Variants in DDHD1 observed in about 807,000 individuals in gnomAD.
DDHD1 encodes DDHD domain containing 1, also known as phospholipase DDHD1.
Under a neutral mutation model 96.4 loss-of-function variants are expected in DDHD1, and 49 were observed. The observed-to-expected ratio is 0.51, with a 90% CI of 0.40 to 0.64. The LOEUF is 0.64. Ranked by LOEUF, DDHD1 falls within the 30% of genes least tolerant of loss-of-function variation. DDHD1 has a pLI of 0.00. For synonymous variants in DDHD1, 442 were observed against 446.5 expected (o/e 0.99, Z 0.13); for missense variants, 1,106 against 1,161.2 (o/e 0.95, Z 0.69).
intron 1 of DDHD1, among the ~76,000 whole-genome samples, chr14:53,114,459 G>A (rs545892564): frequency 6.6e-6 from 1 of 152,174 alleles, no homozygotes; most frequent in African/African-American, 2.4e-5. Flanking sequence ...CTCCCAACAG[G>A]GTCTGACAGA....
chr14:53,094,296 G>A (rs1331362112), intron 2 of DDHD1, among the ~76,000 whole-genome samples: 1 of 152,180 alleles, frequency 6.6e-6, no homozygotes, highest in Non-Finnish European at 1.5e-5. Flanking sequence ...TTTTTGGAAT[G>A]GATAGTAAAG....
chr14:53,100,132 G>T (rs1566564957), intron 2 of DDHD1, among the ~76,000 whole-genome samples: 1 of 152,006 alleles, frequency 6.6e-6, no homozygotes, highest in Non-Finnish European at 1.5e-5. Context: ...CTATTTACAT[G>T]GCATCACATA....
chr14:53,090,606 C>G (rs1376296392), intron 4 of DDHD1, among the ~76,000 whole-genome samples: 3 of 152,136 alleles, frequency 2.0e-5, no homozygotes, highest in African/African-American at 7.2e-5. Flanking sequence ...CCATCATTCT[C>G]AGCAAACTAT....
At chr14:53,091,670 T>C in intron 4 of DDHD1, 115 bp downstream of exon 4, 1 of 1,109,978 alleles carries the variant, frequency 9.0e-7, no homozygotes, top group Non-Finnish European at 1.3e-6. Flanking sequence ...GGTATTAGAA[T>C]AGTTGGCACT....
At chr14:53,086,321 G>A (rs543530229) in intron 4 of DDHD1, among the ~76,000 whole-genome samples, 3 of 152,154 alleles carry the variant, frequency 2.0e-5, no homozygotes, top group South Asian at 4.2e-4. Flanking sequence ...GATACTCCTC[G>A]AGAAGAGCAA....
intron 4 of DDHD1, among the ~76,000 whole-genome samples, chr14:53,087,488 G>C (rs1886078063): frequency 6.6e-6 from 1 of 152,122 alleles, no homozygotes; most frequent in South Asian, 2.1e-4. Context: ...AATCAAATTA[G>C]AACTCAGGAT....
intron 1 of DDHD1, among the ~76,000 whole-genome samples, chr14:53,117,677 C>G (rs1260487441): frequency 6.6e-6 from 1 of 152,226 alleles, no homozygotes; most frequent in Admixed American, 6.5e-5. Context: ...GAACCCACTG[C>G]AGCTCAGCAA....
rs560894450 is a variant in DDHD1 at position 53,126,437 on chromosome 14, G to A, written c.839-22581C>T. 5.9e-5 allele frequency among the ~76,000 whole-genome samples: 9 copies of A among 152,274 alleles called. No homozygotes were observed. The East Asian group carries it at 7.7e-4, about 13-fold the overall frequency. ...GAGTGCAGTGCAGTGGAGCAATCACGGGTCACTGCAGCCTCGACTTCCCGG... is the reference window on the plus strand; with the variant it reads ...GAGTGCAGTGCAGTGGAGCAATCACAGGTCACTGCAGCCTCGACTTCCCGG... On this transcript the variant is annotated intron_variant, in intron 1 of 12. Transcript: ENST00000673822.
At chr14:53,100,779 T>A (rs950164291) in intron 2 of DDHD1, among the ~76,000 whole-genome samples, 1 of 152,234 alleles carries the variant, frequency 6.6e-6, no homozygotes, top group Non-Finnish European at 1.5e-5. Flanking sequence ...GAATATAGTA[T>A]TTTAAAATGT....
At chr14:53,064,929 T>C (rs563169672) in intron 6 of DDHD1, among the ~76,000 whole-genome samples, 2 of 152,192 alleles carry the variant, frequency 1.3e-5, no homozygotes, top group Non-Finnish European at 2.9e-5. Context: ...TGGAATTTTT[T>C]TTCCTTTTCC....
intron 1 of DDHD1, among the ~76,000 whole-genome samples, chr14:53,115,035 C>T (rs1888437064): frequency 6.6e-6 from 1 of 152,094 alleles, no homozygotes; most frequent in African/African-American, 2.4e-5. Flanking sequence ...ACATAAATGA[C>T]CTGATGGAGT....
intron 12 of DDHD1, among the ~76,000 whole-genome samples, chr14:53,050,480 T>C (rs939630567): frequency 1.9e-4 from 29 of 152,104 alleles, no homozygotes; most frequent in Non-Finnish European, 1.5e-5. Flanking sequence ...GTGAAAGCAA[T>C]CTTTCATTCC....
chr14:53,119,408 T>C lies in DDHD1; in HGVS notation c.839-15552A>G, dbSNP rs140760360. On this transcript the variant is annotated intron_variant, in intron 1 of 12. Transcript: ENST00000673822. ...GTCAAGGTACCATTCCTTCTGAAAC[T>C]ATTTCAATCAATAGAGAAAGAAAGA... Among the ~76,000 whole-genome samples, 117 of 152,320 alleles carry C rather than the reference T, an allele frequency of 7.7e-4. 4 individuals are homozygous for C. In the East Asian group the frequency reaches 0.017, roughly 22 times the overall value.
intron 4 of DDHD1, among the ~76,000 whole-genome samples, chr14:53,078,148 C>T (rs895426664): frequency 6.6e-5 from 10 of 152,074 alleles, no homozygotes; most frequent in African/African-American, 1.4e-4. Context: ...TACACATAAG[C>T]AATATTACTG....
chr14:53,113,279 T>C (rs1242789257), intron 1 of DDHD1, among the ~76,000 whole-genome samples: 1 of 151,426 alleles, frequency 6.6e-6, no homozygotes, highest in Non-Finnish European at 1.5e-5. Context: ...TCTTTCACTA[T>C]TTTTTAAAAA....
At chr14:53,127,594 G>A (rs1422482840) in intron 1 of DDHD1, among the ~76,000 whole-genome samples, 1 of 152,204 alleles carries the variant, frequency 6.6e-6, no homozygotes, top group African/African-American at 2.4e-5. Flanking sequence ...AGAATCCTCA[G>A]CCATTTGGTA....
chr14:53,092,076 G>T, intron 3 of DDHD1, 144 bp from the exon 4 acceptor site: 1 of 678,932 alleles, frequency 1.5e-6, no homozygotes, highest in Non-Finnish European at 2.4e-6. Context: ...ACTGTAAGAA[G>T]GTATATATTG....
intron 9 of DDHD1, among the ~76,000 whole-genome samples, chr14:53,056,395 G>A (rs1212685055): frequency 1.3e-5 from 2 of 152,096 alleles, no homozygotes; most frequent in African/African-American, 4.8e-5. Context: ...CAATGGATAC[G>A]GCATCAGAAT....
rs1290390051 is a variant in DDHD1, at chr14:53,050,170, AAGG to A, written c.2521+1671_2521+1673del. ...GGAGAAATCATAAGAGGCTCTCTGGAAGGAGGAGGATTTGGACATGTAGAGATG... is the reference window on the plus strand; with the variant it reads ...GGAGAAATCATAAGAGGCTCTCTGGAAGGAGGATTTGGACATGTAGAGATG... On this transcript the variant is annotated intron_variant, in intron 12 of 12. Transcript: ENST00000673822. Among the ~76,000 whole-genome samples, 8 of 152,288 alleles carry A rather than the reference AAGG, an allele frequency of 5.3e-5. No homozygotes were observed. The South Asian group carries it at 8.3e-4, about 16-fold the overall frequency.
Sources: allele counts gnomAD v4.1 joint callset (sites outside exome capture counted in the v4.1 genomes callset), GRCh38; gene constraint gnomAD v4.1.1; transcripts MANE v1.5; gene names NCBI Gene and HGNC (gene_info 2026-07-23, HGNC 2026-07-21).